The following NPAS3 variants were observed in gnomAD, a reference collection of about 807,000 sequenced individuals.
NPAS3 encodes neuronal PAS domain protein 3, also known as neuronal PAS domain-containing protein 3.
NPAS3 carries 14 observed loss-of-function variants against 73.1 expected under a neutral mutation model. The ratio of observed to expected loss-of-function variants is 0.19; its 90% CI spans 0.13 to 0.30. NPAS3 has a LOEUF of 0.30. Ranked by LOEUF, NPAS3 falls within the 10% of genes least tolerant of loss-of-function variation. The pLI, the probability that NPAS3 is intolerant of heterozygous loss-of-function variation, is 1.00. For synonymous variants in NPAS3, 620 were observed against 541.5 expected (o/e 1.14, Z -2.01); for missense variants, 1,096 against 1,250.0 (o/e 0.88, Z 1.86).
chr14:33,177,287 AG>A (rs1595615257), intron 2 of NPAS3, among the ~76,000 whole-genome samples: 1 of 151,616 alleles, frequency 6.6e-6, no homozygotes. Flanking sequence ...TAGTAGAGAC[AG>A]GGTTTCGCCA....
intron 3 of NPAS3, among the ~76,000 whole-genome samples, chr14:33,316,667 C>T (rs540224079): frequency 2.6e-5 from 4 of 152,174 alleles, no homozygotes; most frequent in African/African-American, 9.6e-5. Flanking sequence ...GAGAGGCACA[C>T]CCTATCTTAA....
chr14:33,788,938 TA>T (rs1566543433), intron 9 of NPAS3, among the ~76,000 whole-genome samples: 1 of 132,648 alleles, frequency 7.5e-6, no homozygotes, highest in Non-Finnish European at 1.6e-5. Context: ...GGTGACATTT[TA>T]AAAAGATATT....
In NPAS3 at chr14:33,060,729, A is replaced by G. The variant is rs376975165; in HGVS notation, c.140+4735A>G. Reference sequence around the variant, plus strand: ...TGATTGTCTATAGCCCTCATTGCAGATCAGGTGTTGTTAGCTGATGGTGTT... The same window carrying G: ...TGATTGTCTATAGCCCTCATTGCAGGTCAGGTGTTGTTAGCTGATGGTGTT... On this transcript the variant is annotated intron_variant, in intron 2 of 11. Transcript: ENST00000356141. Among the ~76,000 whole-genome samples the G allele has an allele frequency of 5.9e-5, 9 of 152,270 alleles. No homozygotes were observed. In the East Asian group the frequency reaches 1.5e-3, roughly 26 times the overall value.
intron 3 of NPAS3, among the ~76,000 whole-genome samples, chr14:33,349,284 T>C (rs1285573972): frequency 6.6e-6 from 1 of 152,170 alleles, no homozygotes; most frequent in African/African-American, 2.4e-5. Context: ...CGTCCAGAAA[T>C]GGAAATAGAG....
At chr14:32,970,269 G>A (rs186959778) in intron 1 of NPAS3, among the ~76,000 whole-genome samples, 104 of 152,242 alleles carry the variant, frequency 6.8e-4, no homozygotes, top group Non-Finnish European at 1.1e-3. Flanking sequence ...CAAAATGTTT[G>A]TCGTTACAGT....
intron 3 of NPAS3, among the ~76,000 whole-genome samples, chr14:33,245,179 A>G (rs1156837084): frequency 1.3e-5 from 2 of 152,214 alleles, no homozygotes; most frequent in African/African-American, 2.4e-5. Context: ...AAAATCATAT[A>G]TAGATGCCCT....
chr14:33,554,211 C>A (rs2055250085), intron 4 of NPAS3, among the ~76,000 whole-genome samples: 1 of 152,160 alleles, frequency 6.6e-6, no homozygotes, highest in Non-Finnish European at 1.5e-5. Flanking sequence ...AACAGCAAAG[C>A]TGTCTTAGCA....
chr14:33,576,664 G>A (rs2056446314), intron 5 of NPAS3, among the ~76,000 whole-genome samples: 3 of 152,254 alleles, frequency 2.0e-5, no homozygotes, highest in South Asian at 4.2e-4. Flanking sequence ...ATTTTCAGAT[G>A]TTCACCTTTA....
At chr14:33,486,474 T>G (rs1419567897) in intron 4 of NPAS3, among the ~76,000 whole-genome samples, 1 of 152,158 alleles carries the variant, frequency 6.6e-6, no homozygotes, top group African/African-American at 2.4e-5. Flanking sequence ...GAAGCAACCC[T>G]GGGCTAACAG....
chr14:33,388,229 A>C (rs769730871), intron 4 of NPAS3, among the ~76,000 whole-genome samples: 24 of 152,228 alleles, frequency 1.6e-4, no homozygotes, highest in Non-Finnish European at 8.8e-5. Flanking sequence ...TAATTCAAAA[A>C]GTATTTTTGA....
At chr14:33,084,747 G>A (rs1299109738) in intron 2 of NPAS3, among the ~76,000 whole-genome samples, 1 of 152,076 alleles carries the variant, frequency 6.6e-6, no homozygotes, top group East Asian at 1.9e-4. Context: ...ATGTGGTCTT[G>A]TGGCCGTGAA....
chr14:33,648,180 A>T (rs1003934665), intron 5 of NPAS3, among the ~76,000 whole-genome samples: 5 of 152,170 alleles, frequency 3.3e-5, no homozygotes, highest in African/African-American at 1.2e-4. Flanking sequence ...AAGCAAAGTT[A>T]CTGAGATGAA....
In NPAS3 at chr14:33,189,485, C is replaced by T. The variant is rs141318620; in HGVS notation, c.141-25697C>T. On this transcript the variant is annotated intron_variant, in intron 2 of 11. Transcript: ENST00000356141. ...TGGACTATGCACTGAGTAAGTCCCA[C>T]GAGGGAGCACTAAGTGGAATGGAAA... Among the ~76,000 whole-genome samples the T allele has an allele frequency of 5.4e-3, 820 of 152,206 alleles. 5 individuals are homozygous for T. The highest frequency in any genetic ancestry group is 0.019 in the African/African-American group (782 of 41,520).
intron 4 of NPAS3, among the ~76,000 whole-genome samples, chr14:33,443,164 C>G (rs1434099142): frequency 6.6e-6 from 1 of 151,952 alleles, no homozygotes; most frequent in Non-Finnish European, 1.5e-5. Context: ...CTCCATTTAA[C>G]TATATTTTGT....
chr14:33,376,659 G>C (rs993985379), intron 4 of NPAS3, among the ~76,000 whole-genome samples: 1 of 152,186 alleles, frequency 6.6e-6, no homozygotes, highest in Non-Finnish European at 1.5e-5. Flanking sequence ...AGACATGGGA[G>C]AGTATATGAC....
intron 4 of NPAS3, among the ~76,000 whole-genome samples, chr14:33,434,161 C>T (rs1187920044): frequency 1.3e-4 from 20 of 152,058 alleles, no homozygotes; most frequent in Non-Finnish European, 2.9e-5. Flanking sequence ...CATTTTACTC[C>T]AGCCTGGGCA....
intron 5 of NPAS3, among the ~76,000 whole-genome samples, chr14:33,577,894 A>G (rs549580822): frequency 1.9e-4 from 29 of 152,296 alleles, no homozygotes; most frequent in Admixed American, 2.6e-4. Flanking sequence ...GACCTGTATA[A>G]GGGGGATTGG....
chr14:33,112,820 A>T (rs2042940843), intron 2 of NPAS3, among the ~76,000 whole-genome samples: 1 of 152,246 alleles, frequency 6.6e-6, no homozygotes, highest in Non-Finnish European at 1.5e-5. Flanking sequence ...TTAATCTTTA[A>T]TCCATCTTGA....
At chr14:33,423,561 G>T (rs550875668) in intron 4 of NPAS3, among the ~76,000 whole-genome samples, 1 of 151,882 alleles carries the variant, frequency 6.6e-6, no homozygotes, top group African/African-American at 2.4e-5. Flanking sequence ...AAACATGTAT[G>T]TATATATATC....
Sources: allele counts gnomAD v4.1 joint callset (sites outside exome capture counted in the v4.1 genomes callset), GRCh38; gene constraint gnomAD v4.1.1; transcripts MANE v1.5; gene names NCBI Gene and HGNC (gene_info 2026-07-23, HGNC 2026-07-21).